The following RASA3 variants were observed in gnomAD, a reference collection of about 807,000 sequenced individuals.
RASA3 encodes RAS p21 protein activator 3.
Under a neutral mutation model 110.0 loss-of-function variants are expected in RASA3, and 73 were observed. The ratio of observed to expected loss-of-function variants is 0.66; its 90% CI spans 0.55 to 0.81. The LOEUF is 0.81. Among genes scored for constraint, RASA3 ranks in the 30% least tolerant of loss-of-function variants. The pLI is 0.00. For synonymous variants in RASA3, 500 were observed against 451.4 expected (o/e 1.11, Z -1.37); for missense variants, 976 against 1,113.2 (o/e 0.88, Z 1.75).
chr13:114,071,492 A>G (rs2079571899), intron 2 of RASA3, among the ~76,000 whole-genome samples: 1 of 152,146 alleles, frequency 6.6e-6, no homozygotes, highest in South Asian at 2.1e-4. Context: ...AGACCATTTA[A>G]ACACAGAATG....
chr13:114,045,085 C>G (rs1364254358), intron 3 of RASA3, among the ~76,000 whole-genome samples: 1 of 152,160 alleles, frequency 6.6e-6, no homozygotes, highest in Non-Finnish European at 1.5e-5. Flanking sequence ...GTCACCAGCC[C>G]CCAACCTTTC....
At chr13:114,069,652 G>C (rs187275756) in intron 2 of RASA3, among the ~76,000 whole-genome samples, 1 of 9,282 alleles carries the variant, frequency 1.1e-4, no homozygotes, top group African/African-American at 4.4e-4. Flanking sequence ...CGGGAGACTC[G>C]GGGAGCCGGG....
At chr13:114,019,353 G>A (rs1190887471) in intron 9 of RASA3, among the ~76,000 whole-genome samples, 1 of 152,258 alleles carries the variant, frequency 6.6e-6, no homozygotes, top group Non-Finnish European at 1.5e-5. Flanking sequence ...AGGCCACCTG[G>A]GCACCTGGTC....
At chr13:114,027,254 C>T (rs558560716) in intron 7 of RASA3, 135 bp downstream of exon 7, 55 of 788,090 alleles carry the variant, frequency 7.0e-5, no homozygotes, top group African/African-American at 1.3e-4. Context: ...AACCCAGGGC[C>T]GGCTGGCGGG....
At chr13:114,019,161 G>A (rs887817091) in intron 9 of RASA3, among the ~76,000 whole-genome samples, 1 of 152,168 alleles carries the variant, frequency 6.6e-6, no homozygotes, top group South Asian at 2.1e-4. Context: ...AACGCGGAGG[G>A]GGATGGGGGT....
chr13:114,087,742 A>G (rs2079840676), intron 1 of RASA3, among the ~76,000 whole-genome samples: 1 of 152,242 alleles, frequency 6.6e-6, no homozygotes, highest in African/African-American at 2.4e-5. Context: ...AGTGACAGAT[A>G]ACTTCAGACA....
At chr13:114,023,758 G>A (rs1416267604) in intron 8 of RASA3, among the ~76,000 whole-genome samples, 3 of 152,234 alleles carry the variant, frequency 2.0e-5, no homozygotes, top group African/African-American at 7.2e-5. Flanking sequence ...CATGGGCAAA[G>A]GCTGAAGATG....
At chr13:114,117,033 TGA>T (rs1430359199) in intron 1 of RASA3, among the ~76,000 whole-genome samples, 31 of 122,290 alleles carry the variant, frequency 2.5e-4, no homozygotes, top group South Asian at 8.2e-4. Flanking sequence ...GGTGCACGTG[TGA>T]GAGGGGTGCA....
intron 1 of RASA3, among the ~76,000 whole-genome samples, chr13:114,079,454 A>G (rs1288196843): frequency 6.6e-6 from 1 of 152,232 alleles, no homozygotes; most frequent in Non-Finnish European, 1.5e-5. Flanking sequence ...TCCCAACGCA[A>G]AACATTCAAA....
At chr13:114,037,844 G>A (rs1225576139) in intron 4 of RASA3, among the ~76,000 whole-genome samples, 2 of 152,196 alleles carry the variant, frequency 1.3e-5, no homozygotes, top group Non-Finnish European at 2.9e-5. Flanking sequence ...CAGTGCCTGG[G>A]GAAGCCGGGA....
intron 21 of RASA3, among the ~76,000 whole-genome samples, chr13:113,995,315 C>T (rs1036064489): frequency 5.3e-5 from 8 of 152,244 alleles, no homozygotes; most frequent in Non-Finnish European, 1.2e-4. Flanking sequence ...GCGGTGGCCA[C>T]GCATGCCTGA....
At chr13:114,002,732 T>C (rs892529119) in intron 18 of RASA3, among the ~76,000 whole-genome samples, 14 of 152,218 alleles carry the variant, frequency 9.2e-5, no homozygotes, top group African/African-American at 3.4e-4. Flanking sequence ...GAGAAGCCAG[T>C]GGCTCCTCAC....
chr13:114,005,843 AC>A (rs2053507117), intron 18 of RASA3, among the ~76,000 whole-genome samples: 2 of 60,990 alleles, frequency 3.3e-5, no homozygotes, highest in Admixed American at 1.8e-4. Context: ...ACGCCACCTT[AC>A]CCTTCTCCCC....
At chr13:113,997,803 C>A (rs2053289843) in intron 20 of RASA3, among the ~76,000 whole-genome samples, 1 of 152,152 alleles carries the variant, frequency 6.6e-6, no homozygotes, top group Non-Finnish European at 1.5e-5. Flanking sequence ...GGGCCTTCTG[C>A]ACTCATCTGG....
At chr13:114,102,358 A>G (rs2080070856) in intron 1 of RASA3, among the ~76,000 whole-genome samples, 1 of 152,004 alleles carries the variant, frequency 6.6e-6, no homozygotes, top group South Asian at 2.1e-4. Context: ...GTGCTGGGGG[A>G]GAGCGAGAGT....
intron 7 of RASA3, among the ~76,000 whole-genome samples, chr13:114,027,025 CA>C (rs1434132482): frequency 6.6e-6 from 1 of 152,224 alleles, no homozygotes; most frequent in Non-Finnish European, 1.5e-5. Flanking sequence ...GCCAAAAAAA[CA>C]AAAACCCCCA....
Position 114,021,302 on chromosome 13 carries a change from G to A in RASA3, c.785+102C>T, listed in dbSNP as rs572919474. 2.8e-5 allele frequency: 28 copies of A among 1,016,864 alleles called. 1 individual carries two copies. Among genetic ancestry groups the A allele is most frequent in the African/African-American group, 1.7e-4 (11 of 63,488 alleles). The allele number at this position is 1,016,864 out of a possible 1,614,324, so 63.0% of individuals were successfully genotyped here. A position where few individuals can be genotyped will look rare whatever the true frequency, so the allele number is the denominator to read the frequency against. On this transcript the variant is annotated intron_variant, in intron 9 of 23. Coordinates refer to ENST00000334062, the MANE Select transcript of RASA3 (RefSeq NM_007368.4). ...GAGCAGGTGGGTGCTGGGCACAGCC[G>A]AGGACCAGCACATGTGGCCTCTGTG...
chr13:114,066,403 C>A (rs1324314889), intron 2 of RASA3, among the ~76,000 whole-genome samples: 1 of 152,136 alleles, frequency 6.6e-6, no homozygotes, highest in Non-Finnish European at 1.5e-5. Flanking sequence ...GGCCGAGGAG[C>A]GGGAGGCGGC....
intron 1 of RASA3, among the ~76,000 whole-genome samples, chr13:114,116,271 T>G (rs899293407): frequency 6.6e-6 from 1 of 152,190 alleles, no homozygotes; most frequent in Non-Finnish European, 1.5e-5. Flanking sequence ...CTATTTTATC[T>G]GAGGTGATTT....
Sources: gnomAD v4.1 joint callset for allele counts (sites outside exome capture counted in the v4.1 genomes callset) on GRCh38, gnomAD v4.1.1 for gene constraint, MANE v1.5 for transcripts, NCBI Gene and HGNC (gene_info 2026-07-23, HGNC 2026-07-21) for gene names.